The following TNPO3 variants were observed in gnomAD, a reference collection of about 807,000 sequenced individuals.
TNPO3 encodes transportin-3.
Under a neutral mutation model 122.8 loss-of-function variants are expected in TNPO3, and 65 were observed. The ratio of observed to expected loss-of-function variants is 0.53; its 90% confidence interval spans 0.43 to 0.65. TNPO3 has a LOEUF of 0.65. TNPO3 is among the 30% of genes least tolerant of loss of function. TNPO3 has a pLI of 0.00. For missense variants in TNPO3, 850 were observed against 1,136.7 expected, an observed-to-expected ratio of 0.75 and a Z score of 3.63; for synonymous variants, 372 against 411.2, an observed-to-expected ratio of 0.90 and a Z score of 1.15.
chr7:128,961,319 T>C (rs1159589397), intron 21 of TNPO3, among the ~76,000 whole-genome samples: 1 of 152,182 alleles, frequency 6.6e-6, no homozygotes, highest in Non-Finnish European at 1.5e-5. Flanking sequence ...TTTAGATATG[T>C]TTGGATATAC....
At chr7:128,991,752 A>C (rs1800769210) in intron 10 of TNPO3, among the ~76,000 whole-genome samples, 1 of 152,196 alleles carries the variant, frequency 6.6e-6, no homozygotes, top group Admixed American at 6.5e-5. Flanking sequence ...TGGAAAAATA[A>C]ATCAGCATTC....
intron 17 of TNPO3, among the ~76,000 whole-genome samples, chr7:128,975,511 A>G (rs1006628827): frequency 1.3e-5 from 2 of 152,186 alleles, no homozygotes; most frequent in Non-Finnish European, 2.9e-5. Context: ...TAAAAATACA[A>G]TAATGCTTGA....
Position 129,018,008 on chromosome 7 carries a change from C to T in TNPO3, c.270G>A (p.Leu90=). The change falls in exon 2 of 23, where the codon TTG becomes TTA. Residue 90 remains leucine (L), a synonymous_variant. Coordinates refer to ENST00000265388, the MANE Select transcript of TNPO3 (RefSeq NM_012470.4). Reference sequence around the variant, plus strand: ...CTTTCAAGTTCTGGATATGGGTTAGCAATGAGTCCCGTAAAGAGGCATGAG... The same window carrying T: ...CTTTCAAGTTCTGGATATGGGTTAGTAATGAGTCCCGTAAAGAGGCATGAG... ...TDSHASLRDS[L]LTHIQNLKDL... is the part of the protein sequence containing the mutation. The T allele has an allele frequency of 6.2e-7, 1 of 1,614,102 alleles. No homozygotes were observed. The highest frequency in any genetic ancestry group is 8.5e-7 in the Non-Finnish European group (1 of 1,180,022).
At chr7:129,043,301 G>T (rs980700169) in intron 1 of TNPO3, among the ~76,000 whole-genome samples, 3 of 152,006 alleles carry the variant, frequency 2.0e-5, no homozygotes, top group Admixed American at 1.3e-4. Context: ...TTCAGGGGGT[G>T]GGGGTAGGGG....
At chr7:129,000,371 A>G (rs1031135646) in intron 7 of TNPO3, 58 bp downstream of exon 7, 1 of 1,455,198 alleles carries the variant, frequency 6.9e-7, no homozygotes, top group African/African-American at 1.4e-5. Context: ...AATGAAATAT[A>G]GATAATATGC....
At chr7:129,019,157 T>A (rs887563931) in intron 1 of TNPO3, among the ~76,000 whole-genome samples, 1 of 152,212 alleles carries the variant, frequency 6.6e-6, no homozygotes, top group African/African-American at 2.4e-5. Context: ...TAGTAGCCAG[T>A]CACAATTATA....
Position 128,963,674 on chromosome 7 carries a change from A to C in TNPO3, c.2711+3606T>G, listed in dbSNP as rs139918527. Among the ~76,000 whole-genome samples, 432 of 152,360 alleles carry C rather than the reference A, an allele frequency of 2.8e-3. 4 individuals carry two copies. Among genetic ancestry groups the C allele is most frequent in the African/African-American group, 9.5e-3 (397 of 41,572 alleles). The stretch of plus-strand genomic sequence containing the variant: ...TACTTAAGCCACTTAGTGAACTATA[A>C]AATAATAGCATTCCATGGTTTGGGA... On this transcript the variant is annotated intron_variant, in intron 21 of 22. Coordinates refer to ENST00000265388, the MANE Select transcript of TNPO3 (RefSeq NM_012470.4).
At chr7:128,972,675 GA>G in intron 18 of TNPO3, 93 bp from the exon 19 acceptor site, 1 of 1,177,008 alleles carries the variant, frequency 8.5e-7, no homozygotes, top group Non-Finnish European at 1.2e-6. Context: ...CAGTAAAAAA[GA>G]TCAGTGGTTG....
At chr7:128,977,599 CTTTTT>C (rs57577501) in intron 16 of TNPO3, among the ~76,000 whole-genome samples, 2 of 135,754 alleles carry the variant, frequency 1.5e-5, no homozygotes, top group Non-Finnish European at 1.6e-5. Context: ...TTTCTTTTTT[CTTTTT>C]TTTTTTTTTT....
chr7:129,049,799 G>A (rs561538904), intron 1 of TNPO3, among the ~76,000 whole-genome samples: 1 of 152,312 alleles, frequency 6.6e-6, no homozygotes, highest in South Asian at 2.1e-4. Flanking sequence ...TATTTGCCTG[G>A]GGGTGGGGAG....
chr7:128,966,207 T>C (rs1275453710), intron 21 of TNPO3, among the ~76,000 whole-genome samples: 3 of 152,218 alleles, frequency 2.0e-5, no homozygotes, highest in Non-Finnish European at 4.4e-5. Context: ...ACATATTTCT[T>C]CTTCCTTGTT....
At chr7:128,965,722 T>C (rs1797867756) in intron 21 of TNPO3, among the ~76,000 whole-genome samples, 1 of 152,206 alleles carries the variant, frequency 6.6e-6, no homozygotes, top group East Asian at 1.9e-4. Flanking sequence ...AAATGTGGTA[T>C]ATGCATACAA....
At chr7:129,013,881 ATCACATGCTT>A (rs1323409014) in intron 4 of TNPO3, among the ~76,000 whole-genome samples, 1 of 152,162 alleles carries the variant, frequency 6.6e-6, no homozygotes, top group Non-Finnish European at 1.5e-5. Flanking sequence ...AAAGACAAAT[ATCACATGCTT>A]TCACTGCTAT....
At chr7:128,992,427 T>G (rs1800840174) in intron 9 of TNPO3, among the ~76,000 whole-genome samples, 1 of 152,138 alleles carries the variant, frequency 6.6e-6, no homozygotes, top group Non-Finnish European at 1.5e-5. Context: ...ACACTTAAAA[T>G]AGAGATACAA....
At chr7:128,998,929 C>T (rs1457702509) in intron 7 of TNPO3, among the ~76,000 whole-genome samples, 2 of 152,044 alleles carry the variant, frequency 1.3e-5, no homozygotes, top group Non-Finnish European at 2.9e-5. Context: ...TCTTGGCTCA[C>T]TGCAACTTCC....
chr7:128,985,516 A>T (rs1800050853), intron 12 of TNPO3, among the ~76,000 whole-genome samples: 1 of 152,212 alleles, frequency 6.6e-6, no homozygotes, highest in Non-Finnish European at 1.5e-5. Context: ...GGGTCACTTG[A>T]GTCTAGGGCT....
Position 129,017,059 on chromosome 7 carries a change from G to A in TNPO3, c.322-3C>T, listed in dbSNP as rs1332843060. 3.7e-6 allele frequency: 6 copies of A among 1,609,986 alleles called. No homozygotes were observed. Among genetic ancestry groups the A allele is most frequent in the Non-Finnish European group, 8.5e-7 (1 of 1,178,986 alleles). On this transcript the variant is annotated splice_region_variant and splice_polypyrimidine_tract_variant and intron_variant, in intron 2 of 22. Coordinates refer to ENST00000265388, the MANE Select transcript of TNPO3 (RefSeq NM_012470.4). ...AGATCTGCTATTGCTAAAGCCAGCTGAATAAGAGAGATTAAATAAATGAAG... is the reference window on the plus strand; with the variant it reads ...AGATCTGCTATTGCTAAAGCCAGCTAAATAAGAGAGATTAAATAAATGAAG...
At chr7:128,964,924 C>T (rs1171445359) in intron 21 of TNPO3, among the ~76,000 whole-genome samples, 1 of 152,090 alleles carries the variant, frequency 6.6e-6, no homozygotes, top group Non-Finnish European at 1.5e-5. Flanking sequence ...TACCTAATAC[C>T]ACATACAAAA....
intron 22 of TNPO3, among the ~76,000 whole-genome samples, 186 bp downstream of exon 22, chr7:128,957,038 C>T (rs943318182): frequency 6.6e-6 from 1 of 152,242 alleles, no homozygotes; most frequent in Non-Finnish European, 1.5e-5. Context: ...CAATTACTGG[C>T]TGCCCAGGCC....
Sources: allele counts gnomAD v4.1 joint callset (sites outside exome capture counted in the v4.1 genomes callset), GRCh38; gene constraint gnomAD v4.1.1; transcripts MANE v1.5; gene names NCBI Gene and HGNC (gene_info 2026-07-23, HGNC 2026-07-21).